The following COL24A1 variants were observed in gnomAD, a reference collection of about 807,000 sequenced individuals.
The protein encoded by COL24A1 is collagen alpha-1(XXIV) chain.
COL24A1 carries 224 observed loss-of-function variants against 253.9 expected under a neutral mutation model. That is an observed-to-expected ratio of 0.88 (90% CI 0.79 to 0.99). The LOEUF is 0.99. COL24A1 is among the 50% of genes least tolerant of loss of function. The probability of loss-of-function intolerance (pLI) is 0.00; values close to 1 mark genes in which losing one functional copy is unlikely to be tolerated. For missense variants in COL24A1, 2,131 were observed against 2,068.5 expected (o/e 1.03, Z -0.59); for synonymous variants, 685 against 673.7 (o/e 1.02, Z -0.26).
chr1:86,141,270 T>C (rs1434351306), intron 2 of COL24A1, among the ~76,000 whole-genome samples: 1 of 152,148 alleles, frequency 6.6e-6, no homozygotes, highest in Non-Finnish European at 1.5e-5. Flanking sequence ...AATCAATGAA[T>C]TCAGCATTGA....
chr1:85,920,943 A>G (rs1686395749), intron 24 of COL24A1, among the ~76,000 whole-genome samples: 1 of 152,126 alleles, frequency 6.6e-6, no homozygotes, highest in Non-Finnish European at 1.5e-5. Flanking sequence ...AAAAAAAACA[A>G]AAACAAAAGA....
At chr1:85,873,863 A>G (rs1249923283) in intron 35 of COL24A1, among the ~76,000 whole-genome samples, 1 of 152,074 alleles carries the variant, frequency 6.6e-6, no homozygotes, top group Non-Finnish European at 1.5e-5. Context: ...TACATTAATT[A>G]GTTGTCTTTT....
intron 42 of COL24A1, among the ~76,000 whole-genome samples, chr1:85,839,040 T>C (rs182229551): frequency 1.9e-3 from 292 of 150,954 alleles, no homozygotes; most frequent in Admixed American, 3.5e-3. Context: ...TCTCTACAAA[T>C]AATGTAAAAA....
At chr1:85,827,880 A>T (rs1482436354) in intron 43 of COL24A1, among the ~76,000 whole-genome samples, 1 of 151,980 alleles carries the variant, frequency 6.6e-6, no homozygotes, top group Non-Finnish European at 1.5e-5. Flanking sequence ...CAGCTCCTGG[A>T]TTCATTCATT....
At chr1:85,878,312 C>T (rs982484066) in intron 32 of COL24A1, among the ~76,000 whole-genome samples, 4 of 152,130 alleles carry the variant, frequency 2.6e-5, no homozygotes, top group Non-Finnish European at 5.9e-5. Context: ...TAGTTGTGTC[C>T]TCACATGTTA....
chr1:85,858,704 G>A (rs552180503), intron 37 of COL24A1, among the ~76,000 whole-genome samples: 248 of 111,108 alleles, frequency 2.2e-3, no homozygotes, highest in Non-Finnish European at 3.9e-3. Flanking sequence ...CCCTCCCTCC[G>A]TCCCTGCTTC....
chr1:85,895,778 C>A, intron 31 of COL24A1, 80 bp downstream of exon 31: 1 of 1,137,492 alleles, frequency 8.8e-7, no homozygotes, highest in Non-Finnish European at 1.3e-6. Flanking sequence ...AAAAAATCCC[C>A]CAAACATTGT....
chr1:85,830,919 G>C (rs921365439), intron 43 of COL24A1, among the ~76,000 whole-genome samples: 1 of 152,142 alleles, frequency 6.6e-6, no homozygotes, highest in Non-Finnish European at 1.5e-5. Flanking sequence ...GACCGGAGCT[G>C]TTCTTATTTG....
intron 36 of COL24A1, 59 bp downstream of exon 36, chr1:85,868,723 A>C: frequency 7.1e-7 from 1 of 1,412,816 alleles, no homozygotes; most frequent in East Asian, 2.4e-5. Context: ...ATGATGTCTA[A>C]TATTTTAAAG....
chr1:86,034,478 G>C (rs1698846108), intron 12 of COL24A1, among the ~76,000 whole-genome samples: 4 of 151,916 alleles, frequency 2.6e-5, no homozygotes, highest in Middle Eastern at 3.2e-3. Flanking sequence ...CTCAAGGTTA[G>C]ACCATTAAAA....
At chr1:86,148,656 ATG>A (rs1318560981) in intron 1 of COL24A1, among the ~76,000 whole-genome samples, 4 of 152,112 alleles carry the variant, frequency 2.6e-5, no homozygotes, top group Non-Finnish European at 4.4e-5. Context: ...AATTTCATCC[ATG>A]TCCCTACAAA....
intron 20 of COL24A1, among the ~76,000 whole-genome samples, chr1:85,985,364 A>G (rs1245633923): frequency 6.6e-6 from 1 of 151,748 alleles, no homozygotes; most frequent in Non-Finnish European, 1.5e-5. Flanking sequence ...ATGCTTTTGG[A>G]AGAGTGATGG....
intron 37 of COL24A1, among the ~76,000 whole-genome samples, chr1:85,864,076 A>G (rs1055217373): frequency 2.6e-5 from 4 of 152,166 alleles, no homozygotes; most frequent in African/African-American, 9.7e-5. Flanking sequence ...TTATAAATCA[A>G]GCTGCTATAA....
At chr1:85,955,375 G>C (rs751523134) in intron 24 of COL24A1, among the ~76,000 whole-genome samples, 4 of 152,200 alleles carry the variant, frequency 2.6e-5, no homozygotes, top group Non-Finnish European at 5.9e-5. Flanking sequence ...CAGGACACCA[G>C]GGCAAGAACC....
At chr1:86,075,611 T>C (rs1238322490) in intron 7 of COL24A1, among the ~76,000 whole-genome samples, 1 of 152,142 alleles carries the variant, frequency 6.6e-6, no homozygotes, top group East Asian at 1.9e-4. Flanking sequence ...TTCAGGCCAA[T>C]ATCCTTGATG....
At chr1:85,902,274 AT>A (rs1300393077) in intron 28 of COL24A1, among the ~76,000 whole-genome samples, 1 of 152,200 alleles carries the variant, frequency 6.6e-6, no homozygotes, top group African/African-American at 2.4e-5. Flanking sequence ...CCATACCAGT[AT>A]GAGAAAATAG....
chr1:86,110,427 C>T (rs1705431290), intron 5 of COL24A1, among the ~76,000 whole-genome samples: 3 of 152,054 alleles, frequency 2.0e-5, no homozygotes, highest in Admixed American at 6.5e-5. Flanking sequence ...TTGCTTTTGG[C>T]GCCTTCTTGG....
intron 22 of COL24A1, among the ~76,000 whole-genome samples, chr1:85,965,388 G>C (rs982697087): frequency 6.6e-6 from 1 of 151,920 alleles, no homozygotes; most frequent in Admixed American, 6.6e-5. Flanking sequence ...TAATATGTAA[G>C]GTAACAAATC....
At chr1:86,017,595 C>G (rs978159037) in intron 18 of COL24A1, among the ~76,000 whole-genome samples, 2 of 152,164 alleles carry the variant, frequency 1.3e-5, no homozygotes, top group African/African-American at 4.8e-5. Context: ...AAATTCCTCT[C>G]TCCTTTGATA....
Sources: allele counts gnomAD v4.1 joint callset (sites outside exome capture counted in the v4.1 genomes callset), GRCh38; gene constraint gnomAD v4.1.1; transcripts MANE v1.5; gene names NCBI Gene and HGNC (gene_info 2026-07-23, HGNC 2026-07-21).